Variants in UGT1A10 observed in about 807,000 individuals in gnomAD.
UGT1A10 encodes UDP-glucuronosyltransferase 1A10.
UGT1A10 carries 49 observed loss-of-function variants against 45.8 expected under a neutral mutation model. The observed-to-expected ratio is 1.07, with a 90% confidence interval of 0.85 to 1.36. The LOEUF (loss-of-function observed/expected upper bound fraction) is 1.36. Among genes scored for constraint, UGT1A10 ranks in the 40% most tolerant of loss-of-function variants. The pLI is 0.00. For synonymous variants in UGT1A10, 284 were observed against 249.7 expected, an observed-to-expected ratio of 1.14 and a Z score of -1.29; for missense variants, 745 against 668.6, an observed-to-expected ratio of 1.11 and a Z score of -1.26.
chr2:233,675,771 C>T (rs576827735), intron 1 of UGT1A10, among the ~76,000 whole-genome samples: 2 of 152,220 alleles, frequency 1.3e-5, no homozygotes, highest in African/African-American at 4.8e-5. Flanking sequence ...TTAAAGAAAA[C>T]TTTTAAAAAT....
At chr2:233,762,211 C>A (rs1050554515) in intron 1 of UGT1A10, among the ~76,000 whole-genome samples, 4 of 152,108 alleles carry the variant, frequency 2.6e-5, no homozygotes, top group Non-Finnish European at 5.9e-5. Context: ...GTATTTGGCG[C>A]CCCATAAATC....
chr2:233,688,804 A>G (rs1322775404), intron 1 of UGT1A10, among the ~76,000 whole-genome samples: 1 of 152,176 alleles, frequency 6.6e-6, no homozygotes, highest in Non-Finnish European at 1.5e-5. Context: ...TTGATTAGCT[A>G]CAAACTGTGA....
At chr2:233,727,618 G>A (rs577107936) in intron 1 of UGT1A10, among the ~76,000 whole-genome samples, 2 of 152,292 alleles carry the variant, frequency 1.3e-5, no homozygotes, top group South Asian at 2.1e-4. Context: ...TTCAGAGGCT[G>A]AGAGGTTGCA....
At chr2:233,641,479 TTTAG>T (rs2073450587) in intron 1 of UGT1A10, among the ~76,000 whole-genome samples, 1 of 152,200 alleles carries the variant, frequency 6.6e-6, no homozygotes, top group Non-Finnish European at 1.5e-5. Flanking sequence ...TAAAAAGTTG[TTTAG>T]TTATTATTTT....
chr2:233,715,489 G>C (rs2076454143), intron 1 of UGT1A10, among the ~76,000 whole-genome samples: 1 of 152,016 alleles, frequency 6.6e-6, no homozygotes, highest in Non-Finnish European at 1.5e-5. Flanking sequence ...AAAATGATTT[G>C]TGTGCAAGTG....
chr2:233,639,319 C>G (rs1356931023), intron 1 of UGT1A10, among the ~76,000 whole-genome samples: 1 of 151,870 alleles, frequency 6.6e-6, no homozygotes, highest in Non-Finnish European at 1.5e-5. Flanking sequence ...ATGATTATAC[C>G]TGTAAAGGCA....
intron 1 of UGT1A10, among the ~76,000 whole-genome samples, chr2:233,715,359 C>T (rs750728220): frequency 1.3e-5 from 2 of 150,138 alleles, no homozygotes; most frequent in Admixed American, 1.3e-4. Flanking sequence ...AGGTTTGAGA[C>T]TTATATTTTC....
intron 1 of UGT1A10, chr2:233,743,596 C>T (rs925952692): frequency 1.5e-6 from 2 of 1,367,220 alleles, no homozygotes; most frequent in Admixed American, 1.9e-5. Flanking sequence ...AGAATGGGTC[C>T]TGGCCGCCGA....
chr2:233,719,495 T>A, intron 1 of UGT1A10: 2 of 1,613,994 alleles, frequency 1.2e-6, no homozygotes, highest in Non-Finnish European at 1.7e-6. Context: ...ACATTTGCCA[T>A]ACTTTTTCTG....
chr2:233,729,991 C>G, intron 1 of UGT1A10: 2 of 1,614,020 alleles, frequency 1.2e-6, no homozygotes, highest in Non-Finnish European at 1.7e-6. Flanking sequence ...GCCACTATCT[C>G]AGGTCTGTAT....
At chr2:233,660,777 A>G (rs1480238707) in intron 1 of UGT1A10, among the ~76,000 whole-genome samples, 2 of 152,060 alleles carry the variant, frequency 1.3e-5, no homozygotes, top group Admixed American at 1.3e-4. Flanking sequence ...TTTTGCATGA[A>G]TTAAAAACTG....
intron 1 of UGT1A10, among the ~76,000 whole-genome samples, chr2:233,680,626 A>G (rs1036563876): frequency 6.6e-6 from 1 of 152,182 alleles, no homozygotes; most frequent in Non-Finnish European, 1.5e-5. Context: ...GCCCAATGCA[A>G]TGAGAATTCC....
At chr2:233,698,403 A>ACAC (rs1306407521) in intron 1 of UGT1A10, among the ~76,000 whole-genome samples, 3 of 152,206 alleles carry the variant, frequency 2.0e-5, no homozygotes. Context: ...ATTTTATGTG[A>ACAC]CTTCATCGCA....
intron 1 of UGT1A10, chr2:233,743,145 C>T (rs1174394425): frequency 2.3e-5 from 8 of 355,378 alleles, no homozygotes; most frequent in Admixed American, 7.6e-5. Context: ...AAAAAAAGTC[C>T]GCTATTCCTC....
intron 4 of UGT1A10, chr2:233,771,391 T>C (rs562546600): frequency 6.6e-6 from 1 of 152,294 alleles, no homozygotes; most frequent in East Asian, 1.9e-4. Flanking sequence ...GATGTTCTGA[T>C]TGGGCAATGA....
chr2:233,709,911 C>T (rs2076097250), intron 1 of UGT1A10, among the ~76,000 whole-genome samples: 1 of 152,178 alleles, frequency 6.6e-6, no homozygotes, highest in Admixed American at 6.5e-5. Context: ...CACCTAATAC[C>T]TCCCCTCACC....
intron 1 of UGT1A10, chr2:233,743,969 G>T: frequency 1.5e-6 from 2 of 1,324,976 alleles, no homozygotes; most frequent in Admixed American, 2.1e-5. Flanking sequence ...CGGCAAGGCT[G>T]CCAGCACCCA....
intron 1 of UGT1A10, among the ~76,000 whole-genome samples, chr2:233,659,077 A>T (rs576699398): frequency 1.3e-4 from 20 of 152,324 alleles, no homozygotes; most frequent in Non-Finnish European, 2.8e-4. Flanking sequence ...ATTCTTGAAC[A>T]TATCTCTATA....
chr2:233,681,764 A>C, intron 1 of UGT1A10: 1 of 907,294 alleles, frequency 1.1e-6, no homozygotes, highest in Non-Finnish European at 1.3e-6. Flanking sequence ...ATCTCAGCAA[A>C]GGCTACTCAT....
Sources: gnomAD v4.1 joint callset for allele counts (sites outside exome capture counted in the v4.1 genomes callset) on GRCh38, gnomAD v4.1.1 for gene constraint, MANE v1.5 for transcripts, NCBI Gene and HGNC (gene_info 2026-07-23, HGNC 2026-07-21) for gene names.